Variants in LRFN5 observed in about 807,000 individuals in gnomAD.
The protein encoded by LRFN5 is leucine-rich repeat and fibronectin type-III domain-containing protein 5.
LRFN5 carries 24 observed loss-of-function variants against 45.6 expected under a neutral mutation model. The ratio of observed to expected loss-of-function variants is 0.53; its 90% CI spans 0.38 to 0.74. The LOEUF (loss-of-function observed/expected upper bound fraction) is 0.74. Ranked by LOEUF, LRFN5 falls within the 30% of genes least tolerant of loss-of-function variation. The pLI is 0.00. For missense variants in LRFN5, 776 were observed against 861.5 expected, an observed-to-expected ratio of 0.90 and a Z score of 1.24; for synonymous variants, 340 against 313.8, an observed-to-expected ratio of 1.08 and a Z score of -0.88.
At chr14:41,830,874 G>T (rs1888453018) in intron 2 of LRFN5, among the ~76,000 whole-genome samples, 1 of 152,194 alleles carries the variant, frequency 6.6e-6, no homozygotes, top group South Asian at 2.1e-4. Context: ...CAGCTCCTCT[G>T]AGTTGCCTCT....
At chr14:41,835,355 AG>A (rs1025424738) in intron 2 of LRFN5, among the ~76,000 whole-genome samples, 9 of 152,326 alleles carry the variant, frequency 5.9e-5, no homozygotes, top group African/African-American at 2.2e-4. Context: ...CTCTTGCCTA[AG>A]GACACAAAAT....
intron 1 of LRFN5, among the ~76,000 whole-genome samples, chr14:41,628,170 C>T (rs942507250): frequency 6.6e-6 from 1 of 152,122 alleles, no homozygotes; most frequent in Non-Finnish European, 1.5e-5. Flanking sequence ...CTTGAATCCT[C>T]TCTATAATTT....
At chr14:41,849,779 T>C (rs1468784829) in intron 2 of LRFN5, among the ~76,000 whole-genome samples, 19 of 151,962 alleles carry the variant, frequency 1.3e-4, no homozygotes, top group Non-Finnish European at 1.5e-5. Context: ...TTTAAAATAG[T>C]TTCCTGTCAA....
chr14:41,628,635 C>T (rs1201226088), intron 1 of LRFN5, among the ~76,000 whole-genome samples: 1 of 151,158 alleles, frequency 6.6e-6, no homozygotes, highest in Non-Finnish European at 1.5e-5. Context: ...AAAAGCTTAG[C>T]AGTAAACAAG....
At chr14:41,671,617 G>GTTTTTTTTTTTTTCTTTTTTTTTTTT (rs1881226324) in intron 1 of LRFN5, among the ~76,000 whole-genome samples, 3 of 78,018 alleles carry the variant, frequency 3.8e-5, no homozygotes, top group Non-Finnish European at 6.9e-5. Flanking sequence ...TTTTTTTTTC[G>GTTTTTTTTTTTTTCTTTTTTTTTTTT]TTTTTTTTTT....
In LRFN5 at chr14:41,707,802, G is replaced by C. The variant is rs545833660; in HGVS notation, c.-196-59052G>C. Among the ~76,000 whole-genome samples, 7 of 151,964 alleles carry C rather than the reference G, an allele frequency of 4.6e-5. No individual in the cohort carries two copies. In the East Asian group the frequency reaches 1.4e-3, roughly 29 times the overall value. On this transcript the variant is annotated intron_variant, in intron 1 of 5. Transcript: ENST00000298119. Reference sequence around the variant, plus strand: ...TGCATATCATCTATGGCTGCTTTTGGACTACATTGGTAGAGCTCAATGGTT... The same window carrying C: ...TGCATATCATCTATGGCTGCTTTTGCACTACATTGGTAGAGCTCAATGGTT...
At chr14:41,649,756 G>A (rs559773266) in intron 1 of LRFN5, among the ~76,000 whole-genome samples, 104 of 152,120 alleles carry the variant, frequency 6.8e-4, no homozygotes, top group South Asian at 1.9e-3. Context: ...TACCCCTGAC[G>A]TTTCCTCTTA....
rs923848628 is a variant in LRFN5, at chr14:41,728,974, A to C, written c.-196-37880A>C. ...GTCCCTTCAGCTCACTACATGAACTATTTATTCACAGATGGCATCTTTTAA... is the reference window on the plus strand; with the variant it reads ...GTCCCTTCAGCTCACTACATGAACTCTTTATTCACAGATGGCATCTTTTAA... On this transcript the variant is annotated intron_variant, in intron 1 of 5. Transcript: ENST00000298119. 2.0e-5 allele frequency among the ~76,000 whole-genome samples: 3 copies of C among 152,058 alleles called. No individual in the cohort carries two copies. The East Asian group carries it at 5.8e-4, about 29-fold the overall frequency.
intron 1 of LRFN5, among the ~76,000 whole-genome samples, chr14:41,662,062 C>T (rs1400077307): frequency 6.6e-6 from 1 of 151,980 alleles, no homozygotes; most frequent in Non-Finnish European, 1.5e-5. Context: ...CAAGCACAAA[C>T]TTAGGGTAGG....
At chr14:41,802,502 G>C (rs899485906) in intron 2 of LRFN5, among the ~76,000 whole-genome samples, 1 of 152,172 alleles carries the variant, frequency 6.6e-6, no homozygotes, top group African/African-American at 2.4e-5. Flanking sequence ...GCAATGCAAA[G>C]AGGAACACAA....
chr14:41,668,055 A>G (rs554943953), intron 1 of LRFN5, among the ~76,000 whole-genome samples: 49 of 152,234 alleles, frequency 3.2e-4, no homozygotes, highest in African/African-American at 1.1e-3. Context: ...TCTCACTTAT[A>G]AAGTGGAGGC....
intron 1 of LRFN5, among the ~76,000 whole-genome samples, chr14:41,639,154 A>G (rs979036140): frequency 6.6e-6 from 1 of 152,062 alleles, no homozygotes; most frequent in African/African-American, 2.4e-5. Context: ...ATATATTACT[A>G]AAGACAGGGC....
intron 2 of LRFN5, among the ~76,000 whole-genome samples, chr14:41,845,434 G>C (rs1404869403): frequency 6.6e-6 from 1 of 152,048 alleles, no homozygotes; most frequent in Admixed American, 6.6e-5. Flanking sequence ...TCTGCCATAT[G>C]CATGTATATT....
intron 2 of LRFN5, among the ~76,000 whole-genome samples, chr14:41,816,839 T>C (rs1213373357): frequency 1.3e-5 from 2 of 152,044 alleles, no homozygotes; most frequent in Non-Finnish European, 2.9e-5. Flanking sequence ...ATCTCAGTGA[T>C]TGTGGTTTCA....
intron 2 of LRFN5, among the ~76,000 whole-genome samples, chr14:41,822,329 C>T (rs939191468): frequency 6.6e-6 from 1 of 151,506 alleles, no homozygotes; most frequent in African/African-American, 2.4e-5. Context: ...TTTGCCATAC[C>T]CCAAAGGTTT....
intron 1 of LRFN5, among the ~76,000 whole-genome samples, chr14:41,610,683 A>AAAAAAAAAAAAAAAAAAG (rs1887720009): frequency 6.9e-6 from 1 of 144,660 alleles, no homozygotes. Flanking sequence ...AAAAAAAAAA[A>AAAAAAAAAAAAAAAAAAG]GTGTATTGCC....
In LRFN5 at chr14:41,904,045, G is replaced by A. The variant is rs1045474576; in HGVS notation, c.2143-113G>A. ...TTCATGGCAAGCAACTCCTCCTTGG[G>A]TGCTTACATTTAGTTACTTTTAGAT... On this transcript the variant is annotated intron_variant, in intron 5 of 5. Transcript: ENST00000298119. The A allele has an allele frequency of 1.1e-5, 9 of 830,164 alleles. No individual in the cohort carries two copies. The African/African-American group carries it at 1.2e-4, about 11-fold the overall frequency. The allele number at this position is 830,164 out of a possible 1,614,324, so 51.4% of individuals were successfully genotyped here.
At chr14:41,635,711 A>T (rs909582639) in intron 1 of LRFN5, among the ~76,000 whole-genome samples, 1 of 152,174 alleles carries the variant, frequency 6.6e-6, no homozygotes, top group Non-Finnish European at 1.5e-5. Context: ...AGTATGAATA[A>T]AACAACAACA....
chr14:41,806,597 C>G (rs1308816917), intron 2 of LRFN5, among the ~76,000 whole-genome samples: 1 of 152,106 alleles, frequency 6.6e-6, no homozygotes, highest in Non-Finnish European at 1.5e-5. Flanking sequence ...AAGCCACATC[C>G]TTTATACTGG....
Sources: gnomAD v4.1 joint callset for allele counts (sites outside exome capture counted in the v4.1 genomes callset) on GRCh38, gnomAD v4.1.1 for gene constraint, MANE v1.5 for transcripts, NCBI Gene and HGNC (gene_info 2026-07-23, HGNC 2026-07-21) for gene names.